POLA1: variants seen among roughly 807,000 people sequenced by gnomAD.
POLA1 encodes DNA polymerase alpha catalytic subunit.
Under a neutral mutation model 124.0 loss-of-function variants are expected in POLA1, and 15 were observed. The ratio of observed to expected loss-of-function variants is 0.12; its 90% CI spans 0.08 to 0.19. The LOEUF is 0.19. POLA1 is among the 10% of genes least tolerant of loss of function. The pLI, the probability that POLA1 is intolerant of heterozygous loss-of-function variation, is 1.00. For missense variants in POLA1, 886 were observed against 1,103.4 expected, an observed-to-expected ratio of 0.80 and a Z score of 2.79; for synonymous variants, 408 against 389.4, an observed-to-expected ratio of 1.05 and a Z score of -0.56.
intron 36 of POLA1, among the ~76,000 whole-genome samples, chrX:24,950,441 G>A (rs2048021528): frequency 1.8e-5 from 2 of 112,093 alleles, no homozygotes; most frequent in South Asian, 7.5e-4. Context: ...GGCAACACAG[G>A]ACTCCAGAGT....
At chrX:24,777,044 G>A (rs1161232022) in intron 26 of POLA1, among the ~76,000 whole-genome samples, 6 of 112,087 alleles carry the variant, frequency 5.4e-5, no homozygotes, top group Admixed American at 1.9e-4. Context: ...GTCAAGATGT[G>A]TGTTTTTTCA....
intron 18 of POLA1, among the ~76,000 whole-genome samples, chrX:24,736,332 TATG>T (rs1329054659): frequency 8.9e-6 from 1 of 111,856 alleles, no homozygotes; most frequent in Non-Finnish European, 1.9e-5. Flanking sequence ...CCACTTCCCT[TATG>T]ATATTTCAAG....
chrX:24,702,619 C>CA (rs1264975663), intron 2 of POLA1, among the ~76,000 whole-genome samples: 4 of 112,487 alleles, frequency 3.6e-5, no homozygotes, highest in Non-Finnish European at 7.5e-5. Context: ...TCAAATAGCT[C>CA]AGCGTTTAAG....
At chrX:24,704,698 G>A (rs971676061) in intron 4 of POLA1, among the ~76,000 whole-genome samples, 16 of 112,012 alleles carry the variant, frequency 1.4e-4, no homozygotes, top group African/African-American at 5.2e-4. Flanking sequence ...TGTTATTCAA[G>A]TAGTGTGGTC....
intron 26 of POLA1, among the ~76,000 whole-genome samples, chrX:24,759,449 C>G (rs938885958): frequency 1.8e-5 from 2 of 111,871 alleles, no homozygotes; most frequent in Admixed American, 1.9e-4. Flanking sequence ...GTTTGTTTGC[C>G]TTACCTCTGG....
chrX:24,885,379 A>G (rs1385631743), intron 34 of POLA1, among the ~76,000 whole-genome samples: 1 of 111,909 alleles, frequency 8.9e-6, no homozygotes, highest in Admixed American at 9.5e-5. Context: ...CTAAATGGGT[A>G]CTTCAAGAAA....
chrX:24,990,883 C>T (rs1049932728), intron 36 of POLA1, among the ~76,000 whole-genome samples: 1 of 111,758 alleles, frequency 8.9e-6, no homozygotes, highest in Non-Finnish European at 1.9e-5. Context: ...TGACAGGCTC[C>T]GTGGCTTTTA....
intron 4 of POLA1, among the ~76,000 whole-genome samples, chrX:24,711,283 C>G (rs1421735929): frequency 8.9e-6 from 1 of 112,640 alleles, no homozygotes; most frequent in Non-Finnish European, 1.9e-5. Flanking sequence ...GGTGCCCGGC[C>G]CCTTTTCTTT....
intron 28 of POLA1, 101 bp downstream of exon 28, chrX:24,810,901 C>T (rs1184113990): frequency 2.2e-6 from 1 of 448,289 alleles, no homozygotes; most frequent in Non-Finnish European, 3.9e-6. Flanking sequence ...GTGTGTGCTT[C>T]TGAAAATAAT....
In POLA1 at chrX:24,717,688, A is replaced by G; in HGVS notation, c.1017A>G (p.Lys339=). 2 of 1,206,354 alleles carry G rather than the reference A, an allele frequency of 1.7e-6. No homozygotes were observed. The highest frequency in any genetic ancestry group is 2.2e-6 in the Non-Finnish European group (2 of 890,854). The change falls in exon 10 of 37, where the codon AAA becomes AAG. Residue 339 remains lysine (K), a synonymous_variant. Coordinates refer to ENST00000379068, the MANE Select transcript of POLA1 (RefSeq NM_001330360.2). ...ATTCCAGTCACCTCCCATTGGTAAA[A>G]GGGGCAGATGAGGAACAAGTATTCC... ...QVDSSHLPLV[K]GADEEQVFHF...
At chrX:24,948,027 T>A (rs921074540) in intron 36 of POLA1, among the ~76,000 whole-genome samples, 1 of 112,316 alleles carries the variant, frequency 8.9e-6, no homozygotes, top group African/African-American at 3.2e-5. Context: ...TTAGTTGTTT[T>A]ATTTGTTCGA....
At chrX:24,893,575 C>T (rs1274994701) in intron 35 of POLA1, among the ~76,000 whole-genome samples, 1 of 111,497 alleles carries the variant, frequency 9.0e-6, no homozygotes, top group African/African-American at 3.3e-5. Flanking sequence ...CCATTTCCCC[C>T]TCCTTCTAGC....
chrX:24,712,433 C>T (rs1483118723), intron 4 of POLA1, among the ~76,000 whole-genome samples: 1 of 112,150 alleles, frequency 8.9e-6, no homozygotes, highest in African/African-American at 3.2e-5. Context: ...TTTCATAAAA[C>T]GTAACTATTT....
intron 36 of POLA1, among the ~76,000 whole-genome samples, chrX:24,987,122 G>A (rs1198306789): frequency 2.7e-5 from 3 of 112,240 alleles, no homozygotes; most frequent in African/African-American, 9.7e-5. Flanking sequence ...CACTCTGAGG[G>A]AAACCAGCTG....
chrX:24,855,299 A>G (rs1297171774), intron 34 of POLA1, among the ~76,000 whole-genome samples: 1 of 111,675 alleles, frequency 9.0e-6, no homozygotes, highest in African/African-American at 3.3e-5. Flanking sequence ...TTAAATTTAT[A>G]TTCAGTACAA....
intron 28 of POLA1, among the ~76,000 whole-genome samples, chrX:24,812,436 G>GTC (rs923828071): frequency 1.0e-3 from 110 of 110,436 alleles, no homozygotes; most frequent in African/African-American, 3.4e-3. Flanking sequence ...ATCTATTATT[G>GTC]TCTCTCTCTC....
Position 24,930,466 on chromosome X carries a change from C to T in POLA1, c.4178C>T (p.Ser1393Phe), listed in dbSNP as rs1421733162. ...GTTATATTACAGTATTCTGACAAGT[C>T]CCTGTACACCCAGCTGTGCTTTTAC... ...ATLQPEYSDK[S>F]LYTQLCFYRY... The change falls in exon 36 of 37, where the codon TCC (serine) becomes TTC (phenylalanine). Residue 1393 changes from serine (S) to phenylalanine (F), a missense_variant. This residue lies in a region of POLA1 where 313 missense variants were observed against 359.7 expected (regional missense o/e 0.87). Coordinates refer to ENST00000379068, the MANE Select transcript of POLA1 (RefSeq NM_001330360.2). 1 of 1,176,095 alleles carries T rather than the reference C, an allele frequency of 8.5e-7. No homozygotes were observed. The highest frequency in any genetic ancestry group is 1.2e-6 in the Non-Finnish European group (1 of 863,997).
intron 26 of POLA1, among the ~76,000 whole-genome samples, chrX:24,791,217 A>G (rs1008834775): frequency 9.0e-6 from 1 of 111,069 alleles, no homozygotes; most frequent in Admixed American, 9.6e-5. Context: ...TCCGGAAGCC[A>G]GACCTGTGTC....
chrX:24,833,406 G>GTAGA (rs2046296512), intron 32 of POLA1, among the ~76,000 whole-genome samples: 1 of 111,632 alleles, frequency 9.0e-6, no homozygotes, highest in Non-Finnish European at 1.9e-5. Flanking sequence ...TTTTCTCTGG[G>GTAGA]TAGATACCCA....
Sources: gnomAD v4.1 joint callset for allele counts (sites outside exome capture counted in the v4.1 genomes callset) on GRCh38, gnomAD v4.1.1 for gene constraint, gnomAD v4.1.1 regional missense constraint, MANE v1.5 for transcripts, NCBI Gene and HGNC (gene_info 2026-07-23, HGNC 2026-07-21) for gene names.